ZNF804B: variants seen among roughly 807,000 people sequenced by gnomAD.
ZNF804B encodes zinc finger 804B.
A neutral mutation model predicts 101.4 loss-of-function variants in ZNF804B; 80 were observed. The ratio of observed to expected loss-of-function variants is 0.79; its 90% confidence interval spans 0.66 to 0.95. The LOEUF (loss-of-function observed/expected upper bound fraction) is 0.95. ZNF804B is among the 40% of genes least tolerant of loss of function. The pLI, the probability that ZNF804B is intolerant of heterozygous loss-of-function variation, is 0.00. For synonymous variants in ZNF804B, 622 were observed against 558.8 expected, an observed-to-expected ratio of 1.11 and a Z score of -1.59; for missense variants, 1,673 against 1,561.9, an observed-to-expected ratio of 1.07 and a Z score of -1.20.
intron 2 of ZNF804B, among the ~76,000 whole-genome samples, chr7:89,300,821 T>A (rs1301764137): frequency 6.6e-6 from 1 of 151,676 alleles, no homozygotes; most frequent in Non-Finnish European, 1.5e-5. Flanking sequence ...CTGAAAAAAG[T>A]TTTGAAGAGA....
chr7:89,218,460 A>G (rs1030110613), intron 2 of ZNF804B, among the ~76,000 whole-genome samples, 165 bp downstream of exon 2: 2 of 152,098 alleles, frequency 1.3e-5, no homozygotes, highest in Non-Finnish European at 2.9e-5. Context: ...AATGTTATCC[A>G]AAGTCATTTT....
chr7:89,129,749 C>T (rs1158780788), intron 1 of ZNF804B, among the ~76,000 whole-genome samples: 2 of 151,914 alleles, frequency 1.3e-5, no homozygotes, highest in Non-Finnish European at 2.9e-5. Flanking sequence ...GGTTATTAAG[C>T]AGTCTGCTAG....
At chr7:88,831,676 T>C (rs189027031) in intron 1 of ZNF804B, among the ~76,000 whole-genome samples, 65 of 152,056 alleles carry the variant, frequency 4.3e-4, no homozygotes, top group Middle Eastern at 3.4e-3. Context: ...AAAAATTATC[T>C]TATTTGAAAG....
At chr7:88,794,561 G>C (rs1212255745) in intron 1 of ZNF804B, 1 of 1,613,352 alleles carries the variant, frequency 6.2e-7, no homozygotes, top group African/African-American at 1.3e-5. Context: ...ATTTTCATTT[G>C]TTGAATAAAA....
At chr7:89,156,040 CTTTCTTTCTTTCTTTCTTTCTTT>C (rs1790962377) in intron 1 of ZNF804B, among the ~76,000 whole-genome samples, 1 of 63,468 alleles carries the variant, frequency 1.6e-5, no homozygotes, top group Non-Finnish European at 3.8e-5. Context: ...TTCTTTCTTT[CTTTCTTTCTTTCTTTCTTTCTTT>C]CTTTCTTTCT....
chr7:88,963,185 G>A (rs889587967), intron 1 of ZNF804B, among the ~76,000 whole-genome samples: 3 of 150,988 alleles, frequency 2.0e-5, no homozygotes, highest in East Asian at 2.0e-4. Context: ...AAATTCATAC[G>A]GACTCTGAAA....
intron 1 of ZNF804B, among the ~76,000 whole-genome samples, chr7:89,077,088 T>C (rs76648096): frequency 1.1e-4 from 1 of 9,488 alleles, no homozygotes; most frequent in East Asian, 1.3e-3. Flanking sequence ...GTGATGATGA[T>C]GTTCCCTTGA....
intron 1 of ZNF804B, among the ~76,000 whole-genome samples, chr7:89,168,992 T>C (rs1419955745): frequency 6.6e-6 from 1 of 152,118 alleles, no homozygotes; most frequent in African/African-American, 2.4e-5. Context: ...GTGAGTGTTA[T>C]AGCTCTATTA....
intron 2 of ZNF804B, among the ~76,000 whole-genome samples, chr7:89,222,418 T>A (rs1031205661): frequency 6.6e-5 from 10 of 152,064 alleles, no homozygotes; most frequent in Admixed American, 6.6e-4. Context: ...TCCATCCACT[T>A]ATGACCAGAT....
At chr7:89,035,303 T>A (rs1025707281) in intron 1 of ZNF804B, among the ~76,000 whole-genome samples, 2 of 152,108 alleles carry the variant, frequency 1.3e-5, no homozygotes, top group Admixed American at 1.3e-4. Context: ...ACTCTTTTGG[T>A]AGCTTCTATC....
intron 1 of ZNF804B, among the ~76,000 whole-genome samples, chr7:89,067,051 A>G (rs1321701728): frequency 6.6e-6 from 1 of 152,122 alleles, no homozygotes; most frequent in African/African-American, 2.4e-5. Context: ...CACATCTCAT[A>G]AAATTGGGAT....
intron 1 of ZNF804B, among the ~76,000 whole-genome samples, chr7:88,783,725 A>G (rs1446918598): frequency 6.6e-6 from 1 of 152,130 alleles, no homozygotes; most frequent in Non-Finnish European, 1.5e-5. Context: ...TGCATCTTCC[A>G]TCCTAAAAAA....
At chr7:89,070,231 A>G (rs745700272) in intron 1 of ZNF804B, among the ~76,000 whole-genome samples, 1 of 152,206 alleles carries the variant, frequency 6.6e-6, no homozygotes, top group Non-Finnish European at 1.5e-5. Flanking sequence ...TATGGTCCCA[A>G]ATATCAAGAT....
intron 1 of ZNF804B, among the ~76,000 whole-genome samples, chr7:88,916,966 C>CA (rs1336696288): frequency 2.0e-5 from 3 of 151,796 alleles, no homozygotes; most frequent in Non-Finnish European, 4.4e-5. Flanking sequence ...TAATGTGTTT[C>CA]AAAAAAATTA....
chr7:88,865,539 T>C (rs181540071), intron 1 of ZNF804B, among the ~76,000 whole-genome samples: 3 of 152,226 alleles, frequency 2.0e-5, no homozygotes, highest in Admixed American at 1.3e-4. Context: ...TTCTTCAAAA[T>C]ATTAAATAAA....
At chr7:89,214,527 T>C (rs754371117) in intron 1 of ZNF804B, among the ~76,000 whole-genome samples, 3 of 152,144 alleles carry the variant, frequency 2.0e-5, no homozygotes, top group Admixed American at 6.5e-5. Context: ...AGAGAGTAAA[T>C]CGTCTTATTT....
intron 1 of ZNF804B, among the ~76,000 whole-genome samples, chr7:88,822,576 A>G (rs910897439): frequency 6.6e-6 from 1 of 152,136 alleles, no homozygotes; most frequent in African/African-American, 2.4e-5. Flanking sequence ...GTTTTCCTCA[A>G]TTGTAAAATT....
At chr7:88,911,564 C>T (rs1416584671) in intron 1 of ZNF804B, among the ~76,000 whole-genome samples, 3 of 151,016 alleles carry the variant, frequency 2.0e-5, no homozygotes, top group African/African-American at 7.3e-5. Context: ...GGCTACACCA[C>T]CAGCACAGAG....
At chr7:89,004,258 A>G (rs1036892380) in intron 1 of ZNF804B, among the ~76,000 whole-genome samples, 4 of 151,778 alleles carry the variant, frequency 2.6e-5, no homozygotes, top group Admixed American at 6.6e-5. Flanking sequence ...ACAGACCTAT[A>G]TAAGAAAGGG....
Sources: allele counts gnomAD v4.1 joint callset (sites outside exome capture counted in the v4.1 genomes callset), GRCh38; gene constraint gnomAD v4.1.1; transcripts MANE v1.5; gene names NCBI Gene and HGNC (gene_info 2026-07-23, HGNC 2026-07-21).